Variants in NUBPL observed in about 807,000 individuals in gnomAD.
NUBPL encodes the protein NUBP iron-sulfur cluster assembly factor, mitochondrial.
Under a neutral mutation model 45.7 loss-of-function variants are expected in NUBPL, and 31 were observed. The observed-to-expected ratio is 0.68, with a 90% CI of 0.51 to 0.92. The LOEUF (loss-of-function observed/expected upper bound fraction) is 0.92, where lower values mean the gene tolerates loss of function less well. Among genes scored for constraint, NUBPL ranks in the 40% least tolerant of loss-of-function variants. The pLI is 0.00. For synonymous variants in NUBPL, 144 were observed against 140.9 expected (o/e 1.02, Z -0.15); for missense variants, 401 against 398.7 (o/e 1.01, Z -0.05).
rs187839240 is a variant in NUBPL, at chr14:31,602,465, A to G, written c.382+3086A>G. Among the ~76,000 whole-genome samples, 232 of 151,904 alleles carry G rather than the reference A, an allele frequency of 1.5e-3. 1 individual carries two copies. Among genetic ancestry groups the G allele is most frequent in the African/African-American group, 5.4e-3 (223 of 41,472 alleles). Reference sequence around the variant, plus strand: ...GGAATCATTTCTATAATTCGCTACTACAGAAGTTTCTCTGAACACGTAGAG... The same window carrying G: ...GGAATCATTTCTATAATTCGCTACTGCAGAAGTTTCTCTGAACACGTAGAG... On this transcript the variant is annotated intron_variant, in intron 4 of 10. Transcript: ENST00000281081.
At chr14:31,625,529 G>A (rs970221035) in intron 4 of NUBPL, among the ~76,000 whole-genome samples, 1 of 148,488 alleles carries the variant, frequency 6.7e-6, no homozygotes, top group African/African-American at 2.5e-5. Context: ...AGGCTGGAGT[G>A]CAATGGCATG....
At chr14:31,706,450 A>G (rs1290726991) in intron 6 of NUBPL, among the ~76,000 whole-genome samples, 1 of 152,356 alleles carries the variant, frequency 6.6e-6, no homozygotes, top group East Asian at 1.9e-4. Context: ...AAGGTGAGTA[A>G]CAGCAAGATG....
chr14:31,805,073 C>A (rs1256731388), intron 7 of NUBPL, among the ~76,000 whole-genome samples: 2 of 149,398 alleles, frequency 1.3e-5, no homozygotes, highest in Admixed American at 1.3e-4. Flanking sequence ...ATTTACAAGA[C>A]AAAAAAAAAC....
chr14:31,771,017 A>G (rs1231078244), intron 6 of NUBPL, among the ~76,000 whole-genome samples: 1 of 152,226 alleles, frequency 6.6e-6, no homozygotes. Context: ...AAAATATTTT[A>G]AAGTATTATA....
chr14:31,673,012 G>T (rs1363025044), intron 4 of NUBPL, among the ~76,000 whole-genome samples: 2 of 152,088 alleles, frequency 1.3e-5, no homozygotes, highest in Non-Finnish European at 1.5e-5. Context: ...TTAGACAGGG[G>T]GAATAAGTTC....
At chr14:31,759,593 A>G (rs1232504233) in intron 6 of NUBPL, among the ~76,000 whole-genome samples, 1 of 151,950 alleles carries the variant, frequency 6.6e-6, no homozygotes, top group East Asian at 1.9e-4. Context: ...GTAATTTTCA[A>G]CTACATATGG....
chr14:31,604,043 T>C (rs1445934181), intron 4 of NUBPL, among the ~76,000 whole-genome samples: 1 of 152,118 alleles, frequency 6.6e-6, no homozygotes, highest in African/African-American at 2.4e-5. Context: ...TATGCCAACA[T>C]AAACACTCGA....
intron 7 of NUBPL, among the ~76,000 whole-genome samples, chr14:31,823,889 T>A (rs902889698): frequency 1.3e-5 from 2 of 151,404 alleles, no homozygotes; most frequent in Non-Finnish European, 2.9e-5. Flanking sequence ...GTGTAATTTT[T>A]GCCGAGATAT....
At chr14:31,625,108 G>A (rs1432288260) in intron 4 of NUBPL, among the ~76,000 whole-genome samples, 1 of 152,118 alleles carries the variant, frequency 6.6e-6, no homozygotes, top group Non-Finnish European at 1.5e-5. Flanking sequence ...TTAGCCTAAG[G>A]TCATCAGAGA....
chr14:31,679,051 C>T (rs1374562928), intron 6 of NUBPL, among the ~76,000 whole-genome samples: 1 of 152,198 alleles, frequency 6.6e-6, no homozygotes, highest in Non-Finnish European at 1.5e-5. Flanking sequence ...CAGCCTGGTT[C>T]TGCTTTTTGC....
intron 8 of NUBPL, among the ~76,000 whole-genome samples, chr14:31,836,975 A>G (rs1385153419): frequency 1.3e-5 from 2 of 152,232 alleles, no homozygotes; most frequent in Admixed American, 1.3e-4. Context: ...TGGCTGATGT[A>G]ATTTCAATTA....
chr14:31,709,776 G>A (rs1450967410), intron 6 of NUBPL, among the ~76,000 whole-genome samples: 2 of 152,194 alleles, frequency 1.3e-5, no homozygotes, highest in Non-Finnish European at 2.9e-5. Context: ...GCTTGAAGGG[G>A]ACATAACCGA....
intron 8 of NUBPL, among the ~76,000 whole-genome samples, chr14:31,835,494 T>C (rs764274668): frequency 6.6e-6 from 1 of 152,226 alleles, no homozygotes; most frequent in Non-Finnish European, 1.5e-5. Flanking sequence ...GAAGCATGAT[T>C]ATATTTACAT....
chr14:31,804,094 G>C (rs982348203), intron 7 of NUBPL, among the ~76,000 whole-genome samples: 2 of 151,854 alleles, frequency 1.3e-5, no homozygotes, highest in Non-Finnish European at 2.9e-5. Flanking sequence ...AACTCTTTAG[G>C]GCTCTTGTAT....
intron 6 of NUBPL, among the ~76,000 whole-genome samples, chr14:31,716,583 T>A (rs1214590995): frequency 6.6e-6 from 1 of 152,220 alleles, no homozygotes; most frequent in African/African-American, 2.4e-5. Context: ...TATCCTTCTC[T>A]GCACATAACT....
At chr14:31,790,696 A>C (rs773940590) in intron 7 of NUBPL, among the ~76,000 whole-genome samples, 16 of 151,948 alleles carry the variant, frequency 1.1e-4, no homozygotes, top group Non-Finnish European at 2.4e-4. Flanking sequence ...CTAAAAATGC[A>C]AAAAATTAGC....
At chr14:31,727,004 G>A (rs2378940) in intron 6 of NUBPL, among the ~76,000 whole-genome samples, 82,124 of 151,874 alleles carry the variant, frequency 0.54, 24,104 homozygotes, top group African/African-American at 0.79. Flanking sequence ...ATATCTTCAG[G>A]CGTCACCAAA....
At chr14:31,847,413 G>C (rs188117276) in intron 9 of NUBPL, among the ~76,000 whole-genome samples, 24 of 152,286 alleles carry the variant, frequency 1.6e-4, no homozygotes, top group African/African-American at 5.8e-4. Context: ...TTAAAATATG[G>C]CACCTGAAAT....
chr14:31,716,935 C>CTCTG (rs1169731053), intron 6 of NUBPL, among the ~76,000 whole-genome samples: 1 of 152,182 alleles, frequency 6.6e-6, no homozygotes, highest in African/African-American at 2.4e-5. Context: ...CTGCTGCTAT[C>CTCTG]CTTCCCTACA....
Sources: allele counts gnomAD v4.1 joint callset (sites outside exome capture counted in the v4.1 genomes callset), GRCh38; gene constraint gnomAD v4.1.1; transcripts MANE v1.5; gene names NCBI Gene and HGNC (gene_info 2026-07-23, HGNC 2026-07-21).